CSMD1: variants seen among roughly 807,000 people sequenced by gnomAD.
The protein encoded by CSMD1 is CUB and Sushi multiple domains 1.
In CSMD1, 213 loss-of-function variants were observed where a neutral mutation model predicts 417.5. The observed-to-expected ratio is 0.51, with a 90% CI of 0.46 to 0.57. CSMD1 has a LOEUF of 0.57. Among genes scored for constraint, CSMD1 ranks in the 20% least tolerant of loss-of-function variants. CSMD1 has a pLI of 0.00. For missense variants in CSMD1, 6,923 were observed against 4,529.7 expected, an observed-to-expected ratio of 1.53 and a Z score of -15.17; for synonymous variants, 2,862 against 1,736.8, an observed-to-expected ratio of 1.65 and a Z score of -16.11.
chr8:3,563,621 T>G (rs2116876028), intron 10 of CSMD1, among the ~76,000 whole-genome samples: 1 of 152,234 alleles, frequency 6.6e-6, no homozygotes, highest in African/African-American at 2.4e-5. Context: ...CCTGGCACAG[T>G]GGCTCATACT....
In CSMD1 at chr8:4,897,186, T is replaced by C. The variant is rs148844878; in HGVS notation, c.85+97146A>G. Among the ~76,000 whole-genome samples the C allele has an allele frequency of 8.1e-4, 123 of 152,196 alleles. 1 individual carries two copies. Among genetic ancestry groups the C allele is most frequent in the African/African-American group, 2.9e-3 (120 of 41,476 alleles). On this transcript the variant is annotated intron_variant, in intron 1 of 69. Coordinates refer to ENST00000635120, the MANE Select transcript of CSMD1 (RefSeq NM_033225.6). ...GAGTGCAGAAGAGGAAGCTGTGCAA[T>C]GTCAGGGGAGGTAGAATAAAACTCA...
At chr8:4,107,440 G>A (rs536045634) in intron 3 of CSMD1, among the ~76,000 whole-genome samples, 2 of 152,266 alleles carry the variant, frequency 1.3e-5, no homozygotes, top group African/African-American at 2.4e-5. Flanking sequence ...ACATTGGTAC[G>A]GATTTGTTTA....
intron 11 of CSMD1, among the ~76,000 whole-genome samples, chr8:3,491,976 A>G (rs546704611): frequency 7.2e-5 from 11 of 152,278 alleles, no homozygotes; most frequent in African/African-American, 2.2e-4. Context: ...CCTCCACCCA[A>G]TTTATTGGTT....
intron 49 of CSMD1, among the ~76,000 whole-genome samples, chr8:3,077,910 T>C (rs1402135092): frequency 6.6e-6 from 1 of 152,250 alleles, no homozygotes; most frequent in Non-Finnish European, 1.5e-5. Flanking sequence ...TTAGGAGCTG[T>C]CATTTTCAAA....
At chr8:4,135,185 C>G (rs961901346) in intron 3 of CSMD1, among the ~76,000 whole-genome samples, 1 of 152,088 alleles carries the variant, frequency 6.6e-6, no homozygotes, top group African/African-American at 2.4e-5. Context: ...AGACAGGCTT[C>G]CATTTATCAC....
chr8:3,802,212 T>C (rs1255930592), intron 5 of CSMD1, among the ~76,000 whole-genome samples: 2 of 152,166 alleles, frequency 1.3e-5, no homozygotes, highest in African/African-American at 2.4e-5. Flanking sequence ...TCACACCTTG[T>C]AAATTCTTAA....
chr8:4,017,146 C>T (rs145248819), intron 4 of CSMD1, among the ~76,000 whole-genome samples: 70 of 152,340 alleles, frequency 4.6e-4, no homozygotes, highest in Non-Finnish European at 5.7e-4. Context: ...TACATATCTA[C>T]CCCTGCAATA....
At chr8:3,156,862 G>A (rs186678238) in intron 39 of CSMD1, among the ~76,000 whole-genome samples, 1 of 151,834 alleles carries the variant, frequency 6.6e-6, no homozygotes, top group African/African-American at 2.4e-5. Flanking sequence ...TAAAGATGGG[G>A]CATTGGAGCT....
intron 9 of CSMD1, among the ~76,000 whole-genome samples, chr8:3,582,487 G>T (rs1468543704): frequency 6.6e-6 from 1 of 152,048 alleles, no homozygotes; most frequent in Non-Finnish European, 1.5e-5. Context: ...ACAACTCACT[G>T]GGCTCATTTC....
At chr8:3,112,518 AT>A (rs1236270771) in intron 42 of CSMD1, among the ~76,000 whole-genome samples, 2 of 152,228 alleles carry the variant, frequency 1.3e-5, no homozygotes, top group Non-Finnish European at 2.9e-5. Flanking sequence ...GAATACCTCT[AT>A]AACATTGAGC....
At chr8:4,269,829 G>A (rs1393496227) in intron 3 of CSMD1, among the ~76,000 whole-genome samples, 14 of 152,150 alleles carry the variant, frequency 9.2e-5, no homozygotes, top group Non-Finnish European at 2.9e-5. Context: ...TACAAGTAGT[G>A]CCAATCTATC....
intron 12 of CSMD1, among the ~76,000 whole-genome samples, chr8:3,462,361 A>G (rs1358115789): frequency 1.3e-5 from 2 of 152,180 alleles, no homozygotes; most frequent in Admixed American, 6.5e-5. Context: ...GTACTCGTCC[A>G]TGGCCTGCTA....
intron 54 of CSMD1, among the ~76,000 whole-genome samples, chr8:2,994,202 A>G (rs1271889783): frequency 6.6e-6 from 1 of 151,268 alleles, no homozygotes; most frequent in Non-Finnish European, 1.5e-5. Context: ...AAGAAGGAAG[A>G]AAGAAAGTAA....
intron 1 of CSMD1, among the ~76,000 whole-genome samples, chr8:4,663,316 T>C (rs1203001264): frequency 1.3e-5 from 2 of 152,216 alleles, no homozygotes; most frequent in Non-Finnish European, 2.9e-5. Context: ...CCCATCTTTT[T>C]AAAGGGGAAA....
intron 5 of CSMD1, among the ~76,000 whole-genome samples, chr8:3,832,537 T>C (rs1802436571): frequency 6.6e-6 from 1 of 152,182 alleles, no homozygotes; most frequent in Non-Finnish European, 1.5e-5. Context: ...ATTTTTGTCT[T>C]ATTGTATATG....
chr8:4,031,206 G>A (rs1797326859), intron 4 of CSMD1, among the ~76,000 whole-genome samples: 2 of 152,100 alleles, frequency 1.3e-5, no homozygotes, highest in Admixed American at 1.3e-4. Context: ...CCCCACTCCT[G>A]GTACCAATCT....
chr8:3,030,633 C>T (rs1810283316), intron 50 of CSMD1, among the ~76,000 whole-genome samples: 3 of 151,994 alleles, frequency 2.0e-5, no homozygotes, highest in Admixed American at 1.3e-4. Context: ...TACAGATGTC[C>T]ACCACCATGC....
At chr8:4,112,621 A>C (rs1417555420) in intron 3 of CSMD1, among the ~76,000 whole-genome samples, 1 of 152,190 alleles carries the variant, frequency 6.6e-6, no homozygotes, top group East Asian at 1.9e-4. Context: ...GTTCTCAGCA[A>C]GCAGGGACCT....
chr8:4,879,457 T>C (rs1803260981), intron 1 of CSMD1, among the ~76,000 whole-genome samples: 1 of 152,096 alleles, frequency 6.6e-6, no homozygotes, highest in African/African-American at 2.4e-5. Flanking sequence ...GGGAAGATAT[T>C]TTAGGAGCTA....
Sources: gnomAD v4.1 joint callset for allele counts (sites outside exome capture counted in the v4.1 genomes callset) on GRCh38, gnomAD v4.1.1 for gene constraint, MANE v1.5 for transcripts, NCBI Gene and HGNC (gene_info 2026-07-23, HGNC 2026-07-21) for gene names.